Variants in HECTD3 observed in about 807,000 individuals in gnomAD.
The protein encoded by HECTD3 is HECT domain E3 ubiquitin protein ligase 3.
A neutral mutation model predicts 109.3 loss-of-function variants in HECTD3; 72 were observed. The observed-to-expected ratio is 0.66, with a 90% CI of 0.54 to 0.80. The LOEUF (loss-of-function observed/expected upper bound fraction) is 0.80. HECTD3 is among the 30% of genes least tolerant of loss of function. HECTD3 has a pLI of 0.00. For synonymous variants in HECTD3, 481 were observed against 471.8 expected, an observed-to-expected ratio of 1.02 and a Z score of -0.25; for missense variants, 1,041 against 1,165.2, an observed-to-expected ratio of 0.89 and a Z score of 1.55.
chr1:45,009,718 C>T (rs376374083), intron 4 of HECTD3, 35 bp from the exon 5 acceptor site: 2 of 1,489,586 alleles, frequency 1.3e-6, no homozygotes, highest in Non-Finnish European at 1.9e-6. Flanking sequence ...TCAGCAGTTA[C>T]CCTCCCTCCC....
In HECTD3 at chr1:45,003,412, G is replaced by T; in HGVS notation, c.*80C>A. 1 of 1,291,492 alleles carries T rather than the reference G, an allele frequency of 7.7e-7. No individual in the cohort carries two copies. The highest frequency in any genetic ancestry group is 1.1e-6 in the Non-Finnish European group (1 of 892,936). The allele number at this position is 1,291,492 out of a possible 1,614,324, so 80.0% of individuals were successfully genotyped here. ...TTGCTGAGCACGTCAGCCAAACCAG[G>T]GCAGGGAAGGTGTCTTCGCCCTGGG... is the stretch of plus-strand genomic sequence containing the variant. On this transcript the variant is annotated 3_prime_UTR_variant, in exon 21 of 21. Transcript: ENST00000372172. The surrounding 1 kb of genome is among the most constrained non-coding windows in gnomAD (Gnocchi z 4.7).
Position 45,007,542 on chromosome 1 carries a change from C to T in HECTD3, c.1374G>A (p.Gln458=). Residue 458 remains glutamine (Q), a synonymous_variant, in exon 10 of 21, where the codon CAG becomes CAA. Transcript: ENST00000372172. The stretch of plus-strand genomic sequence containing the variant: ...TGCTGCTCTCAGAGTCACGCAGGCA[C>T]TGAGCCACCAGGCCTGGCCGCTGGC... ...LSRQRPGLVA[Q]CLRDSESSKP... The T allele has an allele frequency of 1.2e-6, 2 of 1,613,914 alleles. No homozygotes were observed. Among genetic ancestry groups the T allele is most frequent in the Non-Finnish European group, 1.7e-6 (2 of 1,180,020 alleles).
chr1:45,004,974 A>G, intron 15 of HECTD3, 168 bp from the exon 16 acceptor site: 1 of 653,290 alleles, frequency 1.5e-6, no homozygotes, highest in South Asian at 1.8e-5. Flanking sequence ...TCAAGACAAC[A>G]CCTAACCAGC....
Position 45,006,705 on chromosome 1 carries a change from C to A in HECTD3, c.1712G>T (p.Arg571Leu). Reference protein sequence around the residue: ...DTPVPLPFFVRTANQGNGTGE... With the variant: ...DTPVPLPFFVLTANQGNGTGE... The stretch of plus-strand genomic sequence containing the variant: ...AACGGAGATTACCTGGTTGGCTGTG[C>A]GTACAAAGAAGGGCAGGGGCACGGG... The change falls in exon 13 of 21, where the codon CGC becomes CTC. Residue 571 changes from arginine (R) to leucine (L), a missense_variant. Arg to Leu is a moderately radical substitution (Grantham distance 102, BLOSUM62 -2). Around this residue, in one of 2 missense-constraint regions of HECTD3, gnomAD observed 569 missense variants for 715.3 expected, o/e 0.80. Transcript: ENST00000372172. This position sits in a 1 kb window ranked among gnomAD's most constrained non-coding sequence, Gnocchi z 4.7. 6.2e-7 allele frequency: 1 copy of A among 1,611,786 alleles called. No individual in the cohort carries two copies. The highest frequency in any genetic ancestry group is 1.1e-5 in the South Asian group (1 of 90,786).
chr1:45,009,088 T>G, intron 7 of HECTD3, 56 bp downstream of exon 7: 1 of 1,343,984 alleles, frequency 7.4e-7, no homozygotes, highest in South Asian at 1.2e-5. Context: ...ACACTCTCTG[T>G]TTGCCCCCAT....
Position 45,009,359 on chromosome 1 carries a change from G to A in HECTD3, c.989+10C>T. The A allele has an allele frequency of 6.2e-7, 1 of 1,600,086 alleles. No individual in the cohort carries two copies. On this transcript the variant is annotated intron_variant, in intron 6 of 20. Transcript: ENST00000372172. ...ATGCCCTACTTCCCTCCCCAGGCCA[G>A]CGTGCTCACTCGTCAATGCTCACGT... is the stretch of plus-strand genomic sequence containing the variant.
chr1:45,004,324 G>A lies in HECTD3; in HGVS notation c.2196C>T (p.Asp732=). The A allele has an allele frequency of 6.2e-7, 1 of 1,614,072 alleles. No homozygotes were observed. Among genetic ancestry groups the A allele is most frequent in the Non-Finnish European group, 8.5e-7 (1 of 1,179,940 alleles). The change falls in exon 17 of 21, where the codon GAC becomes GAT. Residue 732 remains aspartate (D), a synonymous_variant. Transcript: ENST00000372172. Reference sequence around the variant, plus strand: ...TCTCCAACTCTTGCCAGGTCAGCAAGTCCAGCACAGCCTGTGGTACCACCT... The same window carrying A: ...TCTCCAACTCTTGCCAGGTCAGCAAATCCAGCACAGCCTGTGGTACCACCT... ...LLKVVPQAVL[D]LLTWQELEKK...
chr1:45,005,922 G>T, intron 14 of HECTD3, 39 bp from the exon 15 acceptor site: 1 of 1,605,812 alleles, frequency 6.2e-7, no homozygotes, highest in Non-Finnish European at 8.5e-7. Flanking sequence ...CTCACCCTGA[G>T]CTGCCCAGGT....
rs922179068 is a variant in HECTD3 at position 45,006,624 on chromosome 1, C to G, written c.1725+68G>C. ...CCCCCTTTCTAGCTCAATCTGGCCCCCTCCTCTGCCCCCTTTCTAGCTCAA... is the reference window on the plus strand; with the variant it reads ...CCCCCTTTCTAGCTCAATCTGGCCCGCTCCTCTGCCCCCTTTCTAGCTCAA... On this transcript the variant is annotated intron_variant, in intron 13 of 20. Transcript: ENST00000372172. This position sits in a 1 kb window ranked among gnomAD's most constrained non-coding sequence, Gnocchi z 4.7. The G allele has an allele frequency of 5.1e-5, 70 of 1,359,458 alleles. No homozygotes were observed. The highest frequency in any genetic ancestry group is 7.0e-5 in the Non-Finnish European group (68 of 970,128). 84.2% of individuals were successfully genotyped at this position (1,359,458 alleles called of 1,614,324 possible).
At chr1:45,007,183 G>A (rs1644743771) in intron 11 of HECTD3, 36 bp downstream of exon 11, 1 of 1,574,424 alleles carries the variant, frequency 6.4e-7, no homozygotes, top group Non-Finnish European at 8.7e-7. Context: ...TGCACAAACA[G>A]GTGTCCCGAG....
chr1:45,004,817 G>A lies in HECTD3; in HGVS notation c.1936-11C>T. 2 of 1,612,494 alleles carry A rather than the reference G, an allele frequency of 1.2e-6. No homozygotes were observed. Among genetic ancestry groups the A allele is most frequent in the South Asian group, 2.2e-5 (2 of 91,054 alleles). ...TTCCAGGAGCTTCACCTAGGGGTTG[G>A]AGAGAGGCAGGGAGGTAACCTTTTC... On this transcript the variant is annotated splice_polypyrimidine_tract_variant and intron_variant, in intron 15 of 20. Transcript: ENST00000372172.
At position 45,006,412 on chromosome 1, in the gene HECTD3, T is replaced by C. The variant is rs1644735611; in HGVS notation, c.1725+280A>G. Among the ~76,000 whole-genome samples, 1 of 150,576 alleles carries C rather than the reference T, an allele frequency of 6.6e-6. No homozygotes were observed. Among genetic ancestry groups the C allele is most frequent in the Non-Finnish European group, 1.5e-5 (1 of 67,838 alleles). Reference sequence around the variant, plus strand: ...CCTCCGTCTCCTGGGTTCAAGCGAGTCGCCTGCTTCAGCCTCCCATGTAGC... The same window carrying C: ...CCTCCGTCTCCTGGGTTCAAGCGAGCCGCCTGCTTCAGCCTCCCATGTAGC... On this transcript the variant is annotated intron_variant, in intron 13 of 20. Transcript: ENST00000372172. The surrounding 1 kb of genome is among the most constrained non-coding windows in gnomAD (Gnocchi z 4.7).
In HECTD3 at chr1:45,010,228, G is replaced by C; in HGVS notation, c.596C>G (p.Ala199Gly). The C allele has an allele frequency of 2.5e-6, 4 of 1,613,970 alleles. No homozygotes were observed. Among genetic ancestry groups the C allele is most frequent in the Non-Finnish European group, 3.4e-6 (4 of 1,180,006 alleles). ...RLGSRPQPAE[A>G]YAEAVQRLLY... ...TAGCCTTTGTACAGCTTCTGCGTATGCCTCTGCCGGCTGAGGTCTCGATCC... is the reference window on the plus strand; with the variant it reads ...TAGCCTTTGTACAGCTTCTGCGTATCCCTCTGCCGGCTGAGGTCTCGATCC... The change falls in exon 3 of 21, where the codon GCA (alanine) becomes GGA (glycine). Residue 199 changes from alanine (A) to glycine (G), a missense_variant. Ala to Gly is a moderately conservative substitution (Grantham distance 60). Coordinates refer to ENST00000372172, the MANE Select transcript of HECTD3 (RefSeq NM_024602.6).
chr1:45,004,603 C>T lies in HECTD3; in HGVS notation c.2139G>A (p.Glu713=), dbSNP rs1644719056. 6.2e-7 allele frequency: 1 copy of T among 1,613,980 alleles called. No homozygotes were observed. Residue 713 remains glutamate (E), a synonymous_variant, in exon 16 of 21, where the codon GAG becomes GAA. Coordinates refer to ENST00000372172, the MANE Select transcript of HECTD3 (RefSeq NM_024602.6). Reference sequence around the variant, plus strand: ...TCTACTAGCCTCTGGGTACTACCTGCTCCTTGCTCTCCTCTAGCCGTGCCT... The same window carrying T: ...TCTACTAGCCTCTGGGTACTACCTGTTCCTTGCTCTCCTCTAGCCGTGCCT... ...VQKARLEESK[E]QVAAMQAGLL...
At chr1:45,010,505 C>T (rs1644779186) in intron 2 of HECTD3, 41 bp downstream of exon 2, 4 of 1,610,726 alleles carry the variant, frequency 2.5e-6, no homozygotes, top group South Asian at 2.2e-5. Context: ...CCTCCTGGCC[C>T]GGCCTTCTGA....
At chr1:45,010,399 C>T (rs1644777807) in intron 2 of HECTD3, 106 bp from the exon 3 acceptor site, 1 of 1,444,866 alleles carries the variant, frequency 6.9e-7, no homozygotes, top group Non-Finnish European at 9.7e-7. Flanking sequence ...CAGTCTCCCT[C>T]CGAGCCCCCT....
chr1:45,009,894 A>G (rs6429552), intron 4 of HECTD3, 92 bp downstream of exon 4: 1,452,221 of 1,452,328 alleles, frequency 1, 726,057 homozygotes, highest in East Asian at 1. Flanking sequence ...ACCCTGTTTT[A>G]GTCCTGGCCT....
In HECTD3 at chr1:45,007,285, G is replaced by T; in HGVS notation, c.1504-14C>A. 1 of 1,612,528 alleles carries T rather than the reference G, an allele frequency of 6.2e-7. No homozygotes were observed. Among genetic ancestry groups the T allele is most frequent in the Non-Finnish European group, 8.5e-7 (1 of 1,179,048 alleles). On this transcript the variant is annotated splice_polypyrimidine_tract_variant and intron_variant, in intron 10 of 20. Transcript: ENST00000372172. ...GCCTTCATATACCTGGAGGCAAGGA[G>T]GAAAGGAGTCATAGGAAAGCAAGAC...
chr1:45,009,632 C>G lies in HECTD3; in HGVS notation c.811G>C (p.Glu271Gln). 6.2e-7 allele frequency: 1 copy of G among 1,614,146 alleles called. No individual in the cohort carries two copies. The highest frequency in any genetic ancestry group is 8.5e-7 in the Non-Finnish European group (1 of 1,180,004). Residue 271 changes from glutamate to glutamine, a missense_variant, in exon 5 of 21, where the codon GAG becomes CAG. By Grantham distance (29) the Glu-to-Gln change is conservative. Transcript: ENST00000372172. ...TGTTGGCACTGGGACCCATCGCTCT[C>G]CCAGTAGGTATCGGCATTGCTGTCT... is the stretch of plus-strand genomic sequence containing the variant. ...LTDSNADTYW[E>Q]SDGSQCQHWV...
Sources: gnomAD v4.1 joint callset for allele counts (sites outside exome capture counted in the v4.1 genomes callset) on GRCh38, gnomAD v4.1.1 for gene constraint, gnomAD v4.1.1 regional missense constraint, Gnocchi (gnomAD v3.1) non-coding constraint, MANE v1.5 for transcripts, NCBI Gene and HGNC (gene_info 2026-07-23, HGNC 2026-07-21) for gene names.